The following SLC24A3 variants were observed in gnomAD, a reference collection of about 807,000 sequenced individuals.
The protein encoded by SLC24A3 is sodium/potassium/calcium exchanger 3.
A neutral mutation model predicts 75.8 loss-of-function variants in SLC24A3; 28 were observed. The ratio of observed to expected loss-of-function variants is 0.37; its 90% CI spans 0.27 to 0.51. The LOEUF (loss-of-function observed/expected upper bound fraction) is 0.51, where lower values mean the gene tolerates loss of function less well. SLC24A3 is among the 20% of genes least tolerant of loss of function. The pLI is 0.94. For synonymous variants in SLC24A3, 372 were observed against 334.1 expected (o/e 1.11, Z -1.24); for missense variants, 663 against 847.8 (o/e 0.78, Z 2.71).
At chr20:19,227,251 A>G (rs1981892898) in intron 1 of SLC24A3, among the ~76,000 whole-genome samples, 2 of 152,074 alleles carry the variant, frequency 1.3e-5, no homozygotes, top group African/African-American at 4.8e-5. Flanking sequence ...TTGAACTTTT[A>G]TATTTATTTT....
intron 2 of SLC24A3, among the ~76,000 whole-genome samples, chr20:19,461,520 C>CTTTTTT: frequency 7.7e-6 from 1 of 129,370 alleles, no homozygotes; most frequent in Non-Finnish European, 1.6e-5. Flanking sequence ...CTTTTCTTTT[C>CTTTTTT]TTTTTTTTCT....
At chr20:19,496,761 G>A (rs1230909904) in intron 2 of SLC24A3, among the ~76,000 whole-genome samples, 2 of 152,116 alleles carry the variant, frequency 1.3e-5, no homozygotes, top group Non-Finnish European at 2.9e-5. Context: ...CGAGCCCTGG[G>A]TGCTGGCTCC....
At chr20:19,562,296 C>A (rs1336766416) in intron 3 of SLC24A3, among the ~76,000 whole-genome samples, 1 of 152,122 alleles carries the variant, frequency 6.6e-6, no homozygotes, top group East Asian at 1.9e-4. Flanking sequence ...GCCGTAGAAC[C>A]AAAATGTTGT....
At chr20:19,305,291 G>A (rs1160499177) in intron 2 of SLC24A3, among the ~76,000 whole-genome samples, 1 of 152,066 alleles carries the variant, frequency 6.6e-6, no homozygotes, top group Non-Finnish European at 1.5e-5. Context: ...GCCATTTATG[G>A]GATCTTCTTG....
intron 8 of SLC24A3, among the ~76,000 whole-genome samples, chr20:19,669,321 G>A (rs1009958527): frequency 3.3e-5 from 5 of 152,226 alleles, no homozygotes; most frequent in South Asian, 2.1e-4. Context: ...GGCCAACATG[G>A]TGAAAACCCA....
intron 3 of SLC24A3, among the ~76,000 whole-genome samples, chr20:19,528,014 G>A (rs2030229630): frequency 6.6e-6 from 1 of 152,160 alleles, no homozygotes. Flanking sequence ...AAAGTAAGCA[G>A]TCCTGTTTGT....
intron 2 of SLC24A3, among the ~76,000 whole-genome samples, chr20:19,461,979 G>A (rs530561871): frequency 3.3e-5 from 5 of 152,142 alleles, no homozygotes; most frequent in East Asian, 3.9e-4. Flanking sequence ...GAATTCAGGC[G>A]TTCTGACTCC....
At chr20:19,281,270 CTG>C (rs1478310508) in intron 2 of SLC24A3, among the ~76,000 whole-genome samples, 183 bp downstream of exon 2, 2 of 152,196 alleles carry the variant, frequency 1.3e-5, no homozygotes, top group East Asian at 3.9e-4. Context: ...GTTTTGACCT[CTG>C]TGTTCGTTTT....
intron 7 of SLC24A3, among the ~76,000 whole-genome samples, chr20:19,664,625 C>T (rs17295499): frequency 0.14 from 21,762 of 152,158 alleles, 1,706 homozygotes; most frequent in Non-Finnish European, 0.18. Context: ...ATGCCATGCC[C>T]GCTTTGTTAA....
chr20:19,299,312 C>A (rs1984142219), intron 2 of SLC24A3, among the ~76,000 whole-genome samples: 1 of 152,042 alleles, frequency 6.6e-6, no homozygotes, highest in African/African-American at 2.4e-5. Context: ...TGACTGCTGG[C>A]AAGCCATCCT....
chr20:19,373,606 T>G (rs1370845085), intron 2 of SLC24A3, among the ~76,000 whole-genome samples: 2 of 152,166 alleles, frequency 1.3e-5, no homozygotes. Flanking sequence ...ATATATAGAT[T>G]TATATATTCT....
chr20:19,452,781 A>G (rs1987509602), intron 2 of SLC24A3, among the ~76,000 whole-genome samples: 1 of 152,088 alleles, frequency 6.6e-6, no homozygotes, highest in African/African-American at 2.4e-5. Context: ...TTGGGAGACA[A>G]AGGCAGGAGG....
chr20:19,708,143 T>C (rs1368513631), intron 15 of SLC24A3, among the ~76,000 whole-genome samples: 5 of 152,110 alleles, frequency 3.3e-5, no homozygotes, highest in African/African-American at 1.2e-4. Context: ...CAGCCAAGTA[T>C]ATCAGACCTT....
chr20:19,440,645 G>GT (rs11469517), intron 2 of SLC24A3, among the ~76,000 whole-genome samples: 2,345 of 131,318 alleles, frequency 0.018, 33 homozygotes, highest in African/African-American at 0.033. Flanking sequence ...AGGCCTCACT[G>GT]TTTTTTTTTT....
intron 7 of SLC24A3, among the ~76,000 whole-genome samples, chr20:19,661,681 T>G (rs1386713087): frequency 6.6e-6 from 1 of 152,340 alleles, no homozygotes; most frequent in East Asian, 1.9e-4. Flanking sequence ...AAGTCTTAGC[T>G]TCAGCAATGC....
At chr20:19,515,688 G>C (rs1280266823) in intron 3 of SLC24A3, 124 bp downstream of exon 3, 2 of 935,022 alleles carry the variant, frequency 2.1e-6, no homozygotes, top group African/African-American at 3.3e-5. Context: ...TGCCTGGTGG[G>C]GGTCCTTCGA....
At chr20:19,620,831 G>A (rs1457619370) in intron 6 of SLC24A3, among the ~76,000 whole-genome samples, 1 of 152,190 alleles carries the variant, frequency 6.6e-6, no homozygotes, top group Non-Finnish European at 1.5e-5. Flanking sequence ...GACAGAGAGG[G>A]AGAGAATGAT....
intron 1 of SLC24A3, among the ~76,000 whole-genome samples, chr20:19,222,174 T>C (rs1381249706): frequency 6.6e-6 from 1 of 152,216 alleles, no homozygotes; most frequent in Non-Finnish European, 1.5e-5. Flanking sequence ...AGTAGCATCC[T>C]GTTCCGCTTC....
intron 2 of SLC24A3, among the ~76,000 whole-genome samples, chr20:19,298,465 A>G (rs950550867): frequency 2.6e-5 from 4 of 152,194 alleles, no homozygotes; most frequent in Non-Finnish European, 4.4e-5. Flanking sequence ...TCTGCCATCA[A>G]GTGCCTTGCT....
Sources: gnomAD v4.1 joint callset for allele counts (sites outside exome capture counted in the v4.1 genomes callset) on GRCh38, gnomAD v4.1.1 for gene constraint, MANE v1.5 for transcripts, NCBI Gene and HGNC (gene_info 2026-07-23, HGNC 2026-07-21) for gene names.